Variants in LRIG1 observed in about 807,000 individuals in gnomAD.
The protein encoded by LRIG1 is leucine rich repeats and immunoglobulin like domains 1, also known as leucine-rich repeats and immunoglobulin-like domains protein 1.
In LRIG1, 48 loss-of-function variants were observed where a neutral mutation model predicts 99.2. That is an observed-to-expected ratio of 0.48 (90% CI 0.38 to 0.62). LRIG1 has a LOEUF of 0.62. Ranked by LOEUF, LRIG1 falls within the 20% of genes least tolerant of loss-of-function variation. The pLI, the probability that LRIG1 is intolerant of heterozygous loss-of-function variation, is 0.00. For missense variants in LRIG1, 1,646 were observed against 1,434.4 expected (o/e 1.15, Z -2.38); for synonymous variants, 772 against 596.1 (o/e 1.29, Z -4.30).
intron 9 of LRIG1, chr3:66,404,553 GCCGTGTAGTTTTGGGCGAAAT>G: frequency 2.0e-6 from 1 of 494,792 alleles, no homozygotes; most frequent in East Asian, 8.5e-5. Flanking sequence ...CCACTTGCCA[GCCGTGTAGTTTTGGGCGAAAT>G]CCCCTCACTT....
chr3:66,401,588 T>C, intron 9 of LRIG1: 1 of 1,460,412 alleles, frequency 6.8e-7, no homozygotes, highest in South Asian at 1.3e-5. Flanking sequence ...ATCTTGTTGG[T>C]AGATTAGGCA....
chr3:66,403,724 T>C (rs757836087), intron 9 of LRIG1, among the ~76,000 whole-genome samples: 3 of 152,156 alleles, frequency 2.0e-5, no homozygotes, highest in Non-Finnish European at 4.4e-5. Flanking sequence ...AGACAGAGCC[T>C]CCTGGAAGCC....
intron 12 of LRIG1, among the ~76,000 whole-genome samples, chr3:66,390,230 T>G (rs1701562109): frequency 6.6e-6 from 1 of 151,908 alleles, no homozygotes; most frequent in Admixed American, 6.6e-5. Context: ...CCTAAGAAAT[T>G]TACTGAAAAA....
Position 66,380,491 on chromosome 3 carries a change from TACAAGG to T in LRIG1, c.3056-8_3056-3del. 1 of 1,614,144 alleles carries T rather than the reference TACAAGG, an allele frequency of 6.2e-7. No homozygotes were observed. Among genetic ancestry groups the T allele is most frequent in the Non-Finnish European group, 8.5e-7 (1 of 1,179,980 alleles). On this transcript the variant is annotated splice_polypyrimidine_tract_variant and splice_region_variant and intron_variant, in intron 18 of 18. Coordinates refer to ENST00000273261, the MANE Select transcript of LRIG1 (RefSeq NM_015541.3). Reference sequence around the variant, plus strand: ...TTGCTAAAGTCCAGGAAGAATCCCCTACAAGGAAAGAACGAACCTGTCAGACCCCCA... The same window carrying T: ...TTGCTAAAGTCCAGGAAGAATCCCCTAAAGAACGAACCTGTCAGACCCCCA...
At chr3:66,473,123 T>C (rs1203484709) in intron 1 of LRIG1, among the ~76,000 whole-genome samples, 1 of 152,222 alleles carries the variant, frequency 6.6e-6, no homozygotes, top group Non-Finnish European at 1.5e-5. Flanking sequence ...AAGAGCAATG[T>C]ATAGGTTTCC....
At chr3:66,412,105 C>T (rs1211344372) in intron 6 of LRIG1, among the ~76,000 whole-genome samples, 4 of 152,368 alleles carry the variant, frequency 2.6e-5, no homozygotes, top group Admixed American at 1.3e-4. Flanking sequence ...TTTCACGTTA[C>T]CGTGCAGGCA....
intron 3 of LRIG1, among the ~76,000 whole-genome samples, chr3:66,435,667 A>C (rs1269547757): frequency 6.6e-6 from 1 of 152,182 alleles, no homozygotes; most frequent in Non-Finnish European, 1.5e-5. Flanking sequence ...AATGATACAA[A>C]TATTCTGCAT....
rs191549065 is a variant in LRIG1 at position 66,415,456 on chromosome 3, T to C, written c.504-393A>G. ...GTGAAAACTCCTAGAAAGCAGAAAA[T>C]CAACTGAAAGGCAAGGTCAGTGTTA... On this transcript the variant is annotated intron_variant, in intron 4 of 18. Transcript: ENST00000273261. 3.7e-3 allele frequency among the ~76,000 whole-genome samples: 565 copies of C among 152,216 alleles called. 3 individuals carry two copies. Among genetic ancestry groups the C allele is most frequent in the South Asian group, 0.015 (71 of 4,810 alleles).
At chr3:66,418,162 G>A in intron 3 of LRIG1, among the ~76,000 whole-genome samples, 1 of 152,114 alleles carries the variant, frequency 6.6e-6, no homozygotes, top group East Asian at 1.9e-4. Context: ...CGCCATCTTG[G>A]CTCACTGCAA....
chr3:66,403,341 T>G (rs904319686), intron 9 of LRIG1, among the ~76,000 whole-genome samples: 3 of 152,204 alleles, frequency 2.0e-5, no homozygotes, highest in Non-Finnish European at 4.4e-5. Flanking sequence ...AAGGAATTCT[T>G]GTTTATTTAT....
At position 66,417,218 on chromosome 3, in the gene LRIG1, G is replaced by A; in HGVS notation, c.414C>T (p.Tyr138=). 6.2e-7 allele frequency: 1 copy of A among 1,614,186 alleles called. No individual in the cohort carries two copies. The highest frequency in any genetic ancestry group is 8.5e-7 in the Non-Finnish European group (1 of 1,180,036). Residue 138 remains tyrosine, a synonymous_variant, in exon 4 of 19, where the codon TAC becomes TAT. Transcript: ENST00000273261. ...RSVEGSQLKA[Y]LSLEVLDLSL... ...TCAGATCTAACACTTCTAAGGAAAGGTAGGCCTTCAGCTGGCTCCCCTCCA... is the reference window on the plus strand; with the variant it reads ...TCAGATCTAACACTTCTAAGGAAAGATAGGCCTTCAGCTGGCTCCCCTCCA...
At chr3:66,416,924 T>C (rs1043130261) in intron 4 of LRIG1, among the ~76,000 whole-genome samples, 4 of 152,222 alleles carry the variant, frequency 2.6e-5, no homozygotes, top group Admixed American at 1.3e-4. Context: ...GTCAGGATAA[T>C]GCTGCAGGAT....
intron 16 of LRIG1, 99 bp from the exon 17 acceptor site, chr3:66,381,730 T>C: frequency 1.5e-6 from 2 of 1,378,374 alleles, no homozygotes; most frequent in Non-Finnish European, 2.0e-6. Context: ...AGTCATTTTT[T>C]TTAAAAAGTT....
intron 9 of LRIG1, among the ~76,000 whole-genome samples, chr3:66,403,122 G>T (rs1031430537): frequency 1.3e-5 from 2 of 152,108 alleles, no homozygotes; most frequent in African/African-American, 4.8e-5. Context: ...GTGACACAGT[G>T]CCAATCCTCC....
At position 66,415,137 on chromosome 3, in the gene LRIG1, C is replaced by T; in HGVS notation, c.504-74G>A. The T allele has an allele frequency of 2.1e-6, 3 of 1,442,328 alleles. No individual in the cohort carries two copies. The South Asian group carries it at 4.3e-5, about 21-fold the overall frequency. 89.3% of individuals were successfully genotyped at this position (1,442,328 alleles called of 1,614,324 possible). On this transcript the variant is annotated intron_variant, in intron 4 of 18. Coordinates refer to ENST00000273261, the MANE Select transcript of LRIG1 (RefSeq NM_015541.3). ...TCATTTCATTATAGACACCAGACCT[C>T]TCTGGGTCTGAGTTGGGAAGATGAG... is the stretch of plus-strand genomic sequence containing the variant.
rs575836250 is a variant in LRIG1 at position 66,379,651 on chromosome 3, G to A, written c.*612C>T. 6.6e-6 allele frequency: 1 copy of A among 152,324 alleles called. No homozygotes were observed. Among genetic ancestry groups the A allele is most frequent in the African/African-American group, 2.4e-5 (1 of 41,574 alleles). 9.4% of individuals were successfully genotyped at this position (152,324 alleles called of 1,614,324 possible). ...TAAAAGGAAAAGCCATTCACTGCAA[G>A]TGTGGATGGCACTTGCACCCCTGGC... On this transcript the variant is annotated 3_prime_UTR_variant, in exon 19 of 19. Coordinates refer to ENST00000273261, the MANE Select transcript of LRIG1 (RefSeq NM_015541.3).
chr3:66,474,315 G>C (rs1700668459), intron 1 of LRIG1, among the ~76,000 whole-genome samples: 1 of 150,816 alleles, frequency 6.6e-6, no homozygotes, highest in Non-Finnish European at 1.5e-5. Context: ...TAAAAACAAT[G>C]CCTCACCTCT....
chr3:66,393,052 G>A (rs1412368465), intron 12 of LRIG1, among the ~76,000 whole-genome samples: 1 of 152,214 alleles, frequency 6.6e-6, no homozygotes, highest in African/African-American at 2.4e-5. Flanking sequence ...TGATGGTGAA[G>A]GTAGGGGTGG....
At chr3:66,406,338 G>T in intron 8 of LRIG1, 1 of 985,528 alleles carries the variant, frequency 1.0e-6, no homozygotes, top group Non-Finnish European at 1.2e-6. Context: ...TCTGCTCCTA[G>T]CCCTGGCTGC....
Sources: gnomAD v4.1 joint callset for allele counts (sites outside exome capture counted in the v4.1 genomes callset) on GRCh38, gnomAD v4.1.1 for gene constraint, MANE v1.5 for transcripts, NCBI Gene and HGNC (gene_info 2026-07-23, HGNC 2026-07-21) for gene names.